The following ACTN1 variants were observed in gnomAD, a reference collection of about 807,000 sequenced individuals.
The protein encoded by ACTN1 is actinin alpha 1.
In ACTN1, 30 loss-of-function variants were observed where a neutral mutation model predicts 119.6. The observed-to-expected ratio is 0.25, with a 90% CI of 0.19 to 0.34. ACTN1 has a LOEUF of 0.34. ACTN1 is among the 10% of genes least tolerant of loss of function. The pLI, the probability that ACTN1 is intolerant of heterozygous loss-of-function variation, is 1.00. For missense variants in ACTN1, 764 were observed against 1,223.4 expected (o/e 0.62, Z 5.60); for synonymous variants, 429 against 472.6 (o/e 0.91, Z 1.20).
chr14:68,975,256 C>T (rs553433436), intron 1 of ACTN1, among the ~76,000 whole-genome samples: 2 of 152,330 alleles, frequency 1.3e-5, no homozygotes, highest in South Asian at 2.1e-4. Flanking sequence ...AACATCCATT[C>T]GCTCAACAAG....
In ACTN1 at chr14:68,927,989, C is replaced by T. The variant is rs118082329; in HGVS notation, c.106-2317G>A. The stretch of plus-strand genomic sequence containing the variant: ...CCACTCCCAGTCCCCCAGCACTGAA[C>T]CTTCAGCCTAAGGTTTTCTATTTCC... On this transcript the variant is annotated intron_variant, in intron 1 of 21. Coordinates refer to ENST00000394419, the MANE Select transcript of ACTN1 (RefSeq NM_001130004.2). Among the ~76,000 whole-genome samples, 776 of 152,216 alleles carry T rather than the reference C, an allele frequency of 5.1e-3. 4 individuals carry two copies. The highest frequency in any genetic ancestry group is 7.5e-3 in the Non-Finnish European group (509 of 68,012).
At chr14:68,961,905 C>T (rs2036553769) in intron 1 of ACTN1, among the ~76,000 whole-genome samples, 3 of 152,136 alleles carry the variant, frequency 2.0e-5, no homozygotes, top group African/African-American at 4.8e-5. Flanking sequence ...CCCCCACGCC[C>T]GACCGACAGG....
At chr14:68,903,238 T>C (rs768192807) in intron 7 of ACTN1, among the ~76,000 whole-genome samples, 5 of 152,090 alleles carry the variant, frequency 3.3e-5, no homozygotes, top group Non-Finnish European at 4.4e-5. Context: ...TTTGCCTGGG[T>C]TTTTATGCGT....
In ACTN1 at chr14:68,909,532, G is replaced by T; in HGVS notation, c.516-136C>A. ...TTCTGGGGTAGGAGTTAGAAGACAG[G>T]ATGGGAAGGGACATTTCTTCCTGCC... On this transcript the variant is annotated intron_variant, in intron 5 of 21. Transcript: ENST00000394419. This position sits in a 1 kb window ranked among gnomAD's most constrained non-coding sequence, Gnocchi z 4.1. 1.3e-6 allele frequency: 1 copy of T among 753,948 alleles called. No individual in the cohort carries two copies. The highest frequency in any genetic ancestry group is 1.6e-5 in the South Asian group (1 of 61,198). 46.7% of individuals were successfully genotyped at this position (753,948 alleles called of 1,614,324 possible).
intron 1 of ACTN1, among the ~76,000 whole-genome samples, chr14:68,949,887 T>C (rs2036071947): frequency 6.6e-6 from 1 of 152,148 alleles, no homozygotes; most frequent in African/African-American, 2.4e-5. Context: ...TCCACTTACA[T>C]GGGGCCCCTA....
intron 12 of ACTN1, 105 bp from the exon 13 acceptor site, chr14:68,884,988 GC>G: frequency 1.1e-6 from 1 of 907,424 alleles, no homozygotes; most frequent in Non-Finnish European, 1.8e-6. Flanking sequence ...GCTGGGAAGA[GC>G]CAGGGGCGCT....
At chr14:68,959,668 A>T (rs540555211) in intron 1 of ACTN1, among the ~76,000 whole-genome samples, 1 of 152,202 alleles carries the variant, frequency 6.6e-6, no homozygotes, top group Non-Finnish European at 1.5e-5. Context: ...AAAAAAATCA[A>T]ACTCATAGAA....
chr14:68,920,088 G>A (rs2034558559), intron 3 of ACTN1, among the ~76,000 whole-genome samples: 1 of 152,220 alleles, frequency 6.6e-6, no homozygotes, highest in African/African-American at 2.4e-5. Flanking sequence ...ACGAAGACCT[G>A]CGTTTGAGTT....
At chr14:68,913,543 A>C (rs1469629604) in intron 3 of ACTN1, among the ~76,000 whole-genome samples, 2 of 152,180 alleles carry the variant, frequency 1.3e-5, no homozygotes, top group Non-Finnish European at 2.9e-5. Context: ...AGGATGGTAT[A>C]CTCTAACATC....
At chr14:68,915,265 C>CCTCCTT (rs2034227148) in intron 3 of ACTN1, among the ~76,000 whole-genome samples, 1 of 151,238 alleles carries the variant, frequency 6.6e-6, no homozygotes, top group Non-Finnish European at 1.5e-5. Flanking sequence ...TCCTTCTTCC[C>CCTCCTT]CTCCTTCTCC....
chr14:68,918,990 T>C (rs1363113764), intron 3 of ACTN1, among the ~76,000 whole-genome samples: 1 of 152,182 alleles, frequency 6.6e-6, no homozygotes, highest in Admixed American at 6.5e-5. Flanking sequence ...CCATCATGAG[T>C]GTAGCAGGAG....
chr14:68,878,808 G>C lies in ACTN1; in HGVS notation c.2361+181C>G, dbSNP rs1438942787. ...GGGCACCCAGTAGGTTGCCATGAAA[G>C]ACAGCAGAGGGCAGAGGGTGGACCA... On this transcript the variant is annotated intron_variant, in intron 19 of 21. Coordinates refer to ENST00000394419, the MANE Select transcript of ACTN1 (RefSeq NM_001130004.2). The surrounding 1 kb of genome is among the most constrained non-coding windows in gnomAD (Gnocchi z 4.4). The C allele has an allele frequency of 1.3e-6, 2 of 1,588,278 alleles. No homozygotes were observed. Among genetic ancestry groups the C allele is most frequent in the East Asian group, 2.3e-5 (1 of 44,168 alleles).
intron 1 of ACTN1, among the ~76,000 whole-genome samples, chr14:68,963,219 T>G (rs1456970648): frequency 1.3e-5 from 2 of 152,172 alleles, no homozygotes; most frequent in Non-Finnish European, 2.9e-5. Flanking sequence ...TCCTCCAGGA[T>G]GGGCTGGAGC....
At chr14:68,941,254 T>C (rs2035754476) in intron 1 of ACTN1, among the ~76,000 whole-genome samples, 1 of 152,154 alleles carries the variant, frequency 6.6e-6, no homozygotes, top group Admixed American at 6.5e-5. Context: ...AGTGCGGTGG[T>C]TCTCAAACTT....
chr14:68,923,401 A>C (rs561890373), intron 2 of ACTN1, among the ~76,000 whole-genome samples: 2 of 152,282 alleles, frequency 1.3e-5, no homozygotes, highest in African/African-American at 4.8e-5. Flanking sequence ...GGAAGGGTGA[A>C]GCCTTCTTGA....
chr14:68,919,769 T>C (rs1163062526), intron 3 of ACTN1, among the ~76,000 whole-genome samples: 1 of 152,252 alleles, frequency 6.6e-6, no homozygotes, highest in Non-Finnish European at 1.5e-5. Flanking sequence ...TCTGGCTCTA[T>C]GATCCATATA....
chr14:68,879,492 G>A lies in ACTN1; in HGVS notation c.2281-423C>T, dbSNP rs1566589159. Among the ~76,000 whole-genome samples the A allele has an allele frequency of 6.6e-6, 1 of 152,172 alleles. No individual in the cohort carries two copies. The highest frequency in any genetic ancestry group is 1.5e-5 in the Non-Finnish European group (1 of 68,012). On this transcript the variant is annotated intron_variant, in intron 18 of 21. Coordinates refer to ENST00000394419, the MANE Select transcript of ACTN1 (RefSeq NM_001130004.2). This position sits in a 1 kb window ranked among gnomAD's most constrained non-coding sequence, Gnocchi z 4.9. Reference sequence around the variant, plus strand: ...CGCAAGCCCCAGGGCACTGGGAAGGGGCAGCCCACTAAAACCCAGCCTGAC... The same window carrying A: ...CGCAAGCCCCAGGGCACTGGGAAGGAGCAGCCCACTAAAACCCAGCCTGAC...
intron 2 of ACTN1, among the ~76,000 whole-genome samples, chr14:68,923,173 G>T (rs913183611): frequency 6.6e-6 from 1 of 152,226 alleles, no homozygotes; most frequent in African/African-American, 2.4e-5. Flanking sequence ...CCGCCTACAT[G>T]TCTGGTGCTG....
intron 1 of ACTN1, among the ~76,000 whole-genome samples, chr14:68,967,494 T>C (rs778614776): frequency 6.6e-6 from 1 of 152,172 alleles, no homozygotes; most frequent in South Asian, 2.1e-4. Context: ...AAATCCACCT[T>C]TGATCATCCA....
Sources: gnomAD v4.1 joint callset for allele counts (sites outside exome capture counted in the v4.1 genomes callset) on GRCh38, gnomAD v4.1.1 for gene constraint, Gnocchi (gnomAD v3.1) non-coding constraint, MANE v1.5 for transcripts, NCBI Gene and HGNC (gene_info 2026-07-23, HGNC 2026-07-21) for gene names.